The following BTBD3 variants were observed in gnomAD, a reference collection of about 807,000 sequenced individuals.
The protein encoded by BTBD3 is BTB domain containing 3.
BTBD3 carries 14 observed loss-of-function variants against 41.6 expected under a neutral mutation model. The ratio of observed to expected loss-of-function variants is 0.34; its 90% confidence interval spans 0.22 to 0.53. The LOEUF is 0.53. BTBD3 is among the 20% of genes least tolerant of loss of function. BTBD3 has a pLI of 0.95. For synonymous variants in BTBD3, 249 were observed against 233.7 expected, an observed-to-expected ratio of 1.07 and a Z score of -0.60; for missense variants, 426 against 654.7, an observed-to-expected ratio of 0.65 and a Z score of 3.81.
chr20:11,922,978 A>G lies in BTBD3; in HGVS notation c.881A>G (p.Glu294Gly). The stretch of plus-strand genomic sequence containing the variant: ...TTTGAGGCAGCTCTCAACTGGGCTG[A>G]AGTAGAATGCCAACGACAAGATCTG... ...VVFEAALNWA[E>G]VECQRQDLAL... Residue 294 changes from glutamate (E) to glycine (G), a missense_variant, in exon 4 of 4, where the codon GAA becomes GGA. Physicochemically the swap from Glu to Gly is moderately conservative, Grantham distance 98. Transcript: ENST00000378226. 1 of 1,614,238 alleles carries G rather than the reference A, an allele frequency of 6.2e-7. No homozygotes were observed. The highest frequency in any genetic ancestry group is 8.5e-7 in the Non-Finnish European group (1 of 1,180,046).
intron 1 of BTBD3, 130 bp from the exon 2 acceptor site, chr20:11,918,956 A>T (rs1465234282): frequency 3.0e-6 from 2 of 659,322 alleles, no homozygotes; most frequent in African/African-American, 3.7e-5. Context: ...TAGAACCTTT[A>T]TTTGTTGTTT....
intron 1 of BTBD3, among the ~76,000 whole-genome samples, chr20:11,907,954 GGT>G (rs550370202): frequency 3.3e-3 from 510 of 152,266 alleles, no homozygotes; most frequent in African/African-American, 0.011. Flanking sequence ...GCACTTCTCT[GGT>G]ATGTGAGAGA....
At chr20:11,891,791 A>T (rs892243385) in intron 1 of BTBD3, among the ~76,000 whole-genome samples, 2 of 152,016 alleles carry the variant, frequency 1.3e-5, no homozygotes, top group Non-Finnish European at 2.9e-5. Flanking sequence ...AAGCGAGCTA[A>T]TTCTATTATT....
At chr20:11,912,225 T>G (rs2056893646) in intron 1 of BTBD3, among the ~76,000 whole-genome samples, 1 of 152,016 alleles carries the variant, frequency 6.6e-6, no homozygotes, top group African/African-American at 2.4e-5. Flanking sequence ...CCAAATTGAG[T>G]TGCTAGTGAG....
chr20:11,892,970 C>G (rs929813545), intron 1 of BTBD3, among the ~76,000 whole-genome samples: 3 of 152,100 alleles, frequency 2.0e-5, no homozygotes, highest in Admixed American at 2.0e-4. Flanking sequence ...TAATGTTATA[C>G]TTTAACAAAG....
At chr20:11,890,885 G>T (rs2056745855) in exon 1 of BTBD3, 1 of 984,986 alleles carries the variant, frequency 1.0e-6, no homozygotes. Context: ...CCCCGGCCGG[G>T]GCCTGAGGAG....
At chr20:11,895,314 C>T (rs1012312512) in intron 1 of BTBD3, among the ~76,000 whole-genome samples, 9 of 152,170 alleles carry the variant, frequency 5.9e-5, no homozygotes, top group African/African-American at 2.2e-4. Context: ...ATGCCCTTGT[C>T]CTTTCAGATA....
chr20:11,908,024 T>A (rs2056866541), intron 1 of BTBD3, among the ~76,000 whole-genome samples: 1 of 152,220 alleles, frequency 6.6e-6, no homozygotes, highest in African/African-American at 2.4e-5. Flanking sequence ...AGTAAAGATT[T>A]GACCACATGC....
intron 1 of BTBD3, among the ~76,000 whole-genome samples, chr20:11,907,778 G>C (rs1173472684): frequency 1.3e-5 from 2 of 152,148 alleles, no homozygotes; most frequent in Non-Finnish European, 2.9e-5. Context: ...TGTAGTGTGG[G>C]AATAGTCTGG....
At chr20:11,907,099 C>G (rs1193319627) in intron 1 of BTBD3, among the ~76,000 whole-genome samples, 1 of 152,084 alleles carries the variant, frequency 6.6e-6, no homozygotes, top group African/African-American at 2.4e-5. Context: ...CAGCTTTGTC[C>G]TGGTAATAGT....
At chr20:11,913,435 A>C (rs2056901130), upstream of BTBD3, 1 of 152,134 alleles carries the variant, frequency 6.6e-6, no homozygotes, top group African/African-American at 2.4e-5. Context: ...TGCAGACTAC[A>C]TATGTTCATG....
chr20:11,915,929 G>A (rs1243407948), upstream of BTBD3, among the ~76,000 whole-genome samples: 1 of 151,928 alleles, frequency 6.6e-6, no homozygotes, highest in East Asian at 1.9e-4. Flanking sequence ...TAACTTAGTG[G>A]TGTAAGAGCC....
intron 1 of BTBD3, among the ~76,000 whole-genome samples, chr20:11,896,089 C>T (rs767521089): frequency 2.3e-4 from 35 of 152,144 alleles, no homozygotes; most frequent in Admixed American, 7.9e-4. Flanking sequence ...ATCCTTAGAA[C>T]TAAAAAAATA....
intron 1 of BTBD3, 69 bp from the exon 2 acceptor site, chr20:11,919,017 T>C: frequency 8.4e-7 from 1 of 1,191,496 alleles, no homozygotes; most frequent in Non-Finnish European, 1.2e-6. Context: ...TTTGTGGGTT[T>C]TGTATGTTGG....
At chr20:11,903,980 G>A (rs1330892918) in intron 1 of BTBD3, among the ~76,000 whole-genome samples, 1 of 152,168 alleles carries the variant, frequency 6.6e-6, no homozygotes, top group Non-Finnish European at 1.5e-5. Context: ...GGAGTGAATG[G>A]TTGAGATTTG....
At position 11,923,684 on chromosome 20, in the gene BTBD3, C is replaced by G. The variant is rs778055011; in HGVS notation, c.*18C>G. 4.7e-5 allele frequency: 74 copies of G among 1,568,448 alleles called. No homozygotes were observed. Among genetic ancestry groups the G allele is most frequent in the Non-Finnish European group, 6.1e-6 (7 of 1,156,806 alleles). Reference sequence around the variant, plus strand: ...ATGCTTGAAAACTCACTTCCTGAAGCAGCTTGAGCTCCAAAGTGCACATCT... The same window carrying G: ...ATGCTTGAAAACTCACTTCCTGAAGGAGCTTGAGCTCCAAAGTGCACATCT... On this transcript the variant is annotated 3_prime_UTR_variant, in exon 4 of 4. Transcript: ENST00000378226. This position sits in a 1 kb window ranked among gnomAD's most constrained non-coding sequence, Gnocchi z 5.3.
chr20:11,919,194 G>T lies in BTBD3; in HGVS notation c.417+18G>T. 7 of 1,607,282 alleles carry T rather than the reference G, an allele frequency of 4.4e-6. No individual in the cohort carries two copies. Among genetic ancestry groups the T allele is most frequent in the South Asian group, 2.2e-5 (2 of 90,490 alleles). On this transcript the variant is annotated intron_variant, in intron 2 of 3. Transcript: ENST00000378226. ...GACACAAAGTAAGCAACAGCTGCATGACCGGTTTAGTCCTGACGTTTACAA... is the reference window on the plus strand; with the variant it reads ...GACACAAAGTAAGCAACAGCTGCATTACCGGTTTAGTCCTGACGTTTACAA...
At chr20:11,919,603 G>C (rs2056948335) in intron 2 of BTBD3, 115 bp from the exon 3 acceptor site, 1 of 1,234,616 alleles carries the variant, frequency 8.1e-7, no homozygotes, top group Non-Finnish European at 1.2e-6. Flanking sequence ...CAAAGCAGTA[G>C]ATTTTAGGTA....
At chr20:11,918,669 C>T in intron 1 of BTBD3, 68 bp downstream of exon 1, 1 of 1,448,712 alleles carries the variant, frequency 6.9e-7, no homozygotes, top group East Asian at 2.3e-5. Flanking sequence ...TTTGCAAAAC[C>T]TGTAATGTAT....
Sources: allele counts gnomAD v4.1 joint callset (sites outside exome capture counted in the v4.1 genomes callset), GRCh38; gene constraint gnomAD v4.1.1; non-coding constraint Gnocchi (gnomAD v3.1); transcripts MANE v1.5; gene names NCBI Gene and HGNC (gene_info 2026-07-23, HGNC 2026-07-21).